The following PRKCB variants were observed in gnomAD, a reference collection of about 807,000 sequenced individuals.
The protein encoded by PRKCB is protein kinase C beta type.
PRKCB carries 13 observed loss-of-function variants against 81.5 expected under a neutral mutation model. That is an observed-to-expected ratio of 0.16 (90% confidence interval 0.10 to 0.25). The LOEUF (loss-of-function observed/expected upper bound fraction) is 0.25. PRKCB is among the 10% of genes least tolerant of loss of function. The probability of loss-of-function intolerance (pLI) is 1.00; values close to 1 mark genes in which losing one functional copy is unlikely to be tolerated. For missense variants in PRKCB, 509 were observed against 875.7 expected, an observed-to-expected ratio of 0.58 and a Z score of 5.29; for synonymous variants, 335 against 321.4, an observed-to-expected ratio of 1.04 and a Z score of -0.45.
chr16:23,890,035 A>G (rs1963268169), intron 2 of PRKCB, among the ~76,000 whole-genome samples: 1 of 152,258 alleles, frequency 6.6e-6, no homozygotes, highest in Admixed American at 6.5e-5. Flanking sequence ...TCCAATAGTT[A>G]GAATGGTACT....
At chr16:23,984,230 A>T (rs1229611956) in intron 2 of PRKCB, among the ~76,000 whole-genome samples, 1 of 152,218 alleles carries the variant, frequency 6.6e-6, no homozygotes, top group African/African-American at 2.4e-5. Flanking sequence ...TAGTCATGAT[A>T]TGGTTGGCAT....
intron 10 of PRKCB, among the ~76,000 whole-genome samples, chr16:24,157,529 G>A (rs1967179774): frequency 6.6e-6 from 1 of 151,752 alleles, no homozygotes; most frequent in Non-Finnish European, 1.5e-5. Flanking sequence ...TAAGTTTCCT[G>A]AGGCCTCTCT....
intron 2 of PRKCB, among the ~76,000 whole-genome samples, chr16:23,939,284 A>G (rs1200893198): frequency 6.6e-6 from 1 of 152,220 alleles, no homozygotes; most frequent in African/African-American, 2.4e-5. Flanking sequence ...GAAAGACTCA[A>G]TATAGTAAAG....
At chr16:24,182,192 A>G (rs1967637137) in intron 13 of PRKCB, among the ~76,000 whole-genome samples, 1 of 151,908 alleles carries the variant, frequency 6.6e-6, no homozygotes, top group African/African-American at 2.4e-5. Context: ...CTCAACTCTA[A>G]CTGCAGTTTA....
chr16:23,973,575 A>T (rs1964585963), intron 2 of PRKCB, among the ~76,000 whole-genome samples: 1 of 152,184 alleles, frequency 6.6e-6, no homozygotes, highest in Admixed American at 6.5e-5. Context: ...TGAAAATAAC[A>T]AAGTGACTTG....
chr16:24,050,466 AACACAC>A (rs3051483), intron 5 of PRKCB, among the ~76,000 whole-genome samples: 60 of 149,336 alleles, frequency 4.0e-4, no homozygotes, highest in African/African-American at 5.6e-4. Flanking sequence ...GGTTTTATGT[AACACAC>A]ACACACACAC....
chr16:24,149,318 G>A (rs1372795517), intron 9 of PRKCB, among the ~76,000 whole-genome samples: 2 of 152,212 alleles, frequency 1.3e-5, no homozygotes, highest in Non-Finnish European at 2.9e-5. Context: ...CCTCTATAAA[G>A]TATCACTTCC....
At chr16:23,864,175 G>A (rs1567293858) in intron 2 of PRKCB, among the ~76,000 whole-genome samples, 1 of 152,176 alleles carries the variant, frequency 6.6e-6, no homozygotes, top group Non-Finnish European at 1.5e-5. Context: ...CCCTTCCGAA[G>A]TAGAGGCATT....
intron 5 of PRKCB, among the ~76,000 whole-genome samples, chr16:24,068,686 G>A (rs1966071645): frequency 6.6e-6 from 1 of 152,080 alleles, no homozygotes; most frequent in Admixed American, 6.6e-5. Flanking sequence ...TGTAAAAATT[G>A]AATGTTAACA....
intron 9 of PRKCB, among the ~76,000 whole-genome samples, chr16:24,144,279 C>T (rs1966955150): frequency 6.6e-6 from 1 of 152,032 alleles, no homozygotes; most frequent in Non-Finnish European, 1.5e-5. Context: ...TGTACACATA[C>T]ACGTGTATTT....
Position 23,836,179 on chromosome 16 carries a change from G to C in PRKCB, c.4G>C (p.Ala2Pro). The C allele has an allele frequency of 6.4e-7, 1 of 1,557,934 alleles. No individual in the cohort carries two copies. Among genetic ancestry groups the C allele is most frequent in the Admixed American group, 1.9e-5 (1 of 52,578 alleles). M[A>P]DPAAGPPPSE... is the part of the protein sequence containing the mutation. ...GCTCCGGCTCCCCGCGCGCAAGATG[G>C]CTGACCCGGCTGCGGGGCCGCCGCC... The change falls in exon 1 of 17, where the codon GCT (alanine) becomes CCT (proline). Residue 2 changes from alanine to proline, a missense_variant. Ala to Pro is a conservative substitution (Grantham distance 27). Coordinates refer to ENST00000643927, the MANE Select transcript of PRKCB (RefSeq NM_002738.7).
Position 24,214,699 on chromosome 16 carries a change from C to A in PRKCB, c.1905C>A (p.Arg635=). 1 of 1,614,150 alleles carries A rather than the reference C, an allele frequency of 6.2e-7. No homozygotes were observed. Among genetic ancestry groups the A allele is most frequent in the Non-Finnish European group, 8.5e-7 (1 of 1,180,016 alleles). Residue 635 remains arginine (R), a synonymous_variant, in exon 17 of 17, where the codon CGC becomes CGA. Transcript: ENST00000643927. ...NAENFDRFFT[R]HPPVLTPPDQ... Reference sequence around the variant, plus strand: ...AAAACTTCGACCGATTTTTCACCCGCCATCCACCAGTCCTAACACCTCCCG... The same window carrying A: ...AAAACTTCGACCGATTTTTCACCCGACATCCACCAGTCCTAACACCTCCCG...
intron 2 of PRKCB, among the ~76,000 whole-genome samples, chr16:23,933,768 C>CACCA (rs1964013310): frequency 8.0e-6 from 1 of 125,630 alleles, no homozygotes; most frequent in African/African-American, 3.2e-5. Flanking sequence ...CATCTATCCA[C>CACCA]TCCATCCATC....
At chr16:23,982,121 CCCCTT>C (rs1339265970) in intron 2 of PRKCB, among the ~76,000 whole-genome samples, 8 of 26,044 alleles carry the variant, frequency 3.1e-4, no homozygotes, top group South Asian at 3.8e-3. Flanking sequence ...CCTTTCCCTT[CCCCTT>C]CCCTTCCCTT....
At position 24,130,305 on chromosome 16, in the gene PRKCB, G is replaced by C. The variant is rs557082276; in HGVS notation, c.1065+6324G>C. On this transcript the variant is annotated intron_variant, in intron 9 of 16. Coordinates refer to ENST00000643927, the MANE Select transcript of PRKCB (RefSeq NM_002738.7). ...TGAAAGCAACTGTGATGTTTAGTAT[G>C]TTCCATGGGCACCTGCGGGAGTGGG... Among the ~76,000 whole-genome samples, 4 of 152,242 alleles carry C rather than the reference G, an allele frequency of 2.6e-5. No homozygotes were observed. In the South Asian group the frequency reaches 8.3e-4, roughly 32 times the overall value.
At chr16:24,074,885 G>A (rs1966158895) in intron 5 of PRKCB, among the ~76,000 whole-genome samples, 2 of 152,318 alleles carry the variant, frequency 1.3e-5, no homozygotes, top group South Asian at 4.1e-4. Flanking sequence ...ACTTTGGGAG[G>A]CCAAGGTGGA....
At chr16:23,998,429 C>T (rs1403586978) in intron 3 of PRKCB, among the ~76,000 whole-genome samples, 1 of 152,080 alleles carries the variant, frequency 6.6e-6, no homozygotes, top group Admixed American at 6.6e-5. Context: ...CGTGAGTGCC[C>T]CTTCCATGGA....
At chr16:24,063,518 C>T (rs1965998147) in intron 5 of PRKCB, among the ~76,000 whole-genome samples, 1 of 152,158 alleles carries the variant, frequency 6.6e-6, no homozygotes, top group Non-Finnish European at 1.5e-5. Context: ...TGGCCTCGAA[C>T]TCCTGACCTC....
intron 2 of PRKCB, among the ~76,000 whole-genome samples, chr16:23,862,534 A>G (rs1372564998): frequency 6.6e-6 from 1 of 152,176 alleles, no homozygotes; most frequent in African/African-American, 2.4e-5. Flanking sequence ...CCCTTCTTCC[A>G]AGTTTCAACC....
Sources: allele counts gnomAD v4.1 joint callset (sites outside exome capture counted in the v4.1 genomes callset), GRCh38; gene constraint gnomAD v4.1.1; transcripts MANE v1.5; gene names NCBI Gene and HGNC (gene_info 2026-07-23, HGNC 2026-07-21).